SULF2: variants seen among roughly 807,000 people sequenced by gnomAD.
SULF2 encodes the protein extracellular sulfatase Sulf-2.
Under a neutral mutation model 107.7 loss-of-function variants are expected in SULF2, and 52 were observed. That is an observed-to-expected ratio of 0.48 (90% CI 0.39 to 0.61). SULF2 has a LOEUF of 0.61. Ranked by LOEUF, SULF2 falls within the 20% of genes least tolerant of loss-of-function variation. The pLI is 0.00. For synonymous variants in SULF2, 460 were observed against 464.3 expected, an observed-to-expected ratio of 0.99 and a Z score of 0.12; for missense variants, 993 against 1,177.3, an observed-to-expected ratio of 0.84 and a Z score of 2.29.
chr20:47,762,144 A>C (rs906504598), intron 1 of SULF2, among the ~76,000 whole-genome samples: 1 of 152,232 alleles, frequency 6.6e-6, no homozygotes, highest in East Asian at 1.9e-4. Flanking sequence ...AGCAGCGTGA[A>C]AACAGACTAA....
At chr20:47,704,277 A>AT (rs11480561) in intron 3 of SULF2, among the ~76,000 whole-genome samples, 64,887 of 150,238 alleles carry the variant, frequency 0.43, 14,222 homozygotes, top group East Asian at 0.66. Context: ...TTGCATGTAC[A>AT]TTTTTTTTTT....
chr20:47,665,484 TCTC>T (rs767342535), intron 13 of SULF2, among the ~76,000 whole-genome samples, 191 bp from the exon 14 acceptor site: 33 of 152,076 alleles, frequency 2.2e-4, no homozygotes, highest in East Asian at 3.9e-4. Flanking sequence ...AAGCCCGCCT[TCTC>T]CTCCAGCCAG....
chr20:47,666,638 C>T lies in SULF2; in HGVS notation c.1577-150G>A. On this transcript the variant is annotated intron_variant, in intron 11 of 20. Transcript: ENST00000688720. The surrounding 1 kb of genome is among the most constrained non-coding windows in gnomAD (Gnocchi z 5.4). ...CTCGAGGGGTCGTGGAATCTACCCGCCTGCTCGCAGATCCTGGACCGCAGG... is the reference window on the plus strand; with the variant it reads ...CTCGAGGGGTCGTGGAATCTACCCGTCTGCTCGCAGATCCTGGACCGCAGG... 2 of 659,432 alleles carry T rather than the reference C, an allele frequency of 3.0e-6. No individual in the cohort carries two copies. The highest frequency in any genetic ancestry group is 1.9e-5 in the South Asian group (1 of 53,008). The allele number at this position is 659,432 out of a possible 1,614,324, so 40.8% of individuals were successfully genotyped here. A position where few individuals can be genotyped will look rare whatever the true frequency, so the allele number is the denominator to read the frequency against.
chr20:47,665,735 A>C, intron 13 of SULF2, 122 bp downstream of exon 13: 1 of 750,250 alleles, frequency 1.3e-6, no homozygotes, highest in Non-Finnish European at 2.3e-6. Context: ...ATCTGTGGGG[A>C]CCTCACTTCA....
At chr20:47,661,623 T>C in intron 18 of SULF2, 150 bp downstream of exon 18, 2 of 715,174 alleles carry the variant, frequency 2.8e-6, no homozygotes, top group Non-Finnish European at 4.2e-6. Flanking sequence ...CTGCCTGCTA[T>C]GGACAGGGGC....
At position 47,780,015 on chromosome 20, in the gene SULF2, C is replaced by CTTTT. The variant is rs74178766; in HGVS notation, c.-101+5324_-101+5327dup. On this transcript the variant is annotated intron_variant, in intron 1 of 20. Coordinates refer to ENST00000688720, the MANE Select transcript of SULF2 (RefSeq NM_001387048.1). ...ACTCCTGACCCTCTACCCTAGTTGA[C>CTTTT]TTTTTTTTTTTTTTTTTTTGAGACA... is the stretch of plus-strand genomic sequence containing the variant. Among the ~76,000 whole-genome samples the CTTTT allele has an allele frequency of 3.7e-3, 451 of 120,428 alleles. 13 individuals are homozygous for CTTTT. Among genetic ancestry groups the CTTTT allele is most frequent in the East Asian group, 0.03 (125 of 4,148 alleles). 79.0% of individuals were successfully genotyped at this position (120,428 alleles called of 152,430 possible).
At chr20:47,668,721 G>A (rs1347228075) in intron 11 of SULF2, among the ~76,000 whole-genome samples, 2 of 152,052 alleles carry the variant, frequency 1.3e-5, no homozygotes, top group African/African-American at 2.4e-5. Flanking sequence ...GCAGGGGGTG[G>A]GGACTCTGCC....
At position 47,678,947 on chromosome 20, in the gene SULF2, C is replaced by T. The variant is rs1038567759; in HGVS notation, c.1065-143G>A. Reference sequence around the variant, plus strand: ...TGGAAGCTGCAGTCTGGCACCTCAACCTCAGCAGCTCCCCTCTGCGGCCCA... The same window carrying T: ...TGGAAGCTGCAGTCTGGCACCTCAATCTCAGCAGCTCCCCTCTGCGGCCCA... On this transcript the variant is annotated intron_variant, in intron 7 of 20. Transcript: ENST00000688720. This position sits in a 1 kb window ranked among gnomAD's most constrained non-coding sequence, Gnocchi z 4.5. 3.4e-5 allele frequency: 24 copies of T among 697,462 alleles called. No individual in the cohort carries two copies. The highest frequency in any genetic ancestry group is 5.0e-5 in the Non-Finnish European group (20 of 400,030). The allele number at this position is 697,462 out of a possible 1,614,324, so 43.2% of individuals were successfully genotyped here. A position where few individuals can be genotyped will look rare whatever the true frequency, so the allele number is the denominator to read the frequency against.
At chr20:47,730,523 T>C (rs1332173929) in intron 3 of SULF2, among the ~76,000 whole-genome samples, 1 of 152,182 alleles carries the variant, frequency 6.6e-6, no homozygotes, top group Non-Finnish European at 1.5e-5. Flanking sequence ...CAATCTCGGC[T>C]CACTGCAACC....
intron 11 of SULF2, among the ~76,000 whole-genome samples, chr20:47,671,981 A>G (rs1223054224): frequency 6.6e-6 from 1 of 152,164 alleles, no homozygotes; most frequent in Non-Finnish European, 1.5e-5. Flanking sequence ...AAGTACTGGG[A>G]TTACAGGCGT....
intron 3 of SULF2, among the ~76,000 whole-genome samples, chr20:47,721,518 G>A (rs907895530): frequency 2.0e-5 from 3 of 152,056 alleles, no homozygotes; most frequent in Non-Finnish European, 2.9e-5. Flanking sequence ...ACAGGCATGC[G>A]CTACCACGCC....
chr20:47,730,735 A>G (rs2089576104), intron 3 of SULF2, among the ~76,000 whole-genome samples: 1 of 152,182 alleles, frequency 6.6e-6, no homozygotes, highest in African/African-American at 2.4e-5. Flanking sequence ...GGCGTGAGCC[A>G]CTGTGCCCGG....
chr20:47,689,255 A>G (rs1350999020), intron 5 of SULF2, among the ~76,000 whole-genome samples: 1 of 152,204 alleles, frequency 6.6e-6, no homozygotes, highest in East Asian at 1.9e-4. Flanking sequence ...ACCCCTGCGT[A>G]GACCCTCCAC....
chr20:47,760,042 A>AG (rs1398150558), intron 1 of SULF2, among the ~76,000 whole-genome samples: 1 of 152,218 alleles, frequency 6.6e-6, no homozygotes, highest in African/African-American at 2.4e-5. Context: ...GAGTGAGGGA[A>AG]GCTGGACTTG....
chr20:47,767,309 C>G (rs2090546002), intron 1 of SULF2, among the ~76,000 whole-genome samples: 2 of 152,326 alleles, frequency 1.3e-5, no homozygotes, highest in South Asian at 4.1e-4. Flanking sequence ...TAGGTTTGGG[C>G]CACCCAGGAT....
rs142491097 is a variant in SULF2, at chr20:47,726,185, G to T, written c.415+10518C>A. ...TGTGTGTCACTCCCCACTCCCAAAA[G>T]ATTTTGTTTGATTAGGCTTTATTCT... On this transcript the variant is annotated intron_variant, in intron 3 of 20. Coordinates refer to ENST00000688720, the MANE Select transcript of SULF2 (RefSeq NM_001387048.1). Among the ~76,000 whole-genome samples, 6 of 152,190 alleles carry T rather than the reference G, an allele frequency of 3.9e-5. No homozygotes were observed. The East Asian group carries it at 9.7e-4, about 25-fold the overall frequency.
Position 47,712,246 on chromosome 20 carries a change from G to A in SULF2, c.416-9576C>T, listed in dbSNP as rs1012754930. Among the ~76,000 whole-genome samples, 13 of 152,254 alleles carry A rather than the reference G, an allele frequency of 8.5e-5. No individual in the cohort carries two copies. In the East Asian group the frequency reaches 9.7e-4, roughly 11 times the overall value. ...CATCAGGCCGTCTCCCTTCAGGGAC[G>A]CACTGCTGAGCTCACTCTGTTTCAA... On this transcript the variant is annotated intron_variant, in intron 3 of 20. Transcript: ENST00000688720.
intron 1 of SULF2, among the ~76,000 whole-genome samples, chr20:47,779,550 T>C (rs960675469): frequency 6.6e-6 from 1 of 152,230 alleles, no homozygotes; most frequent in African/African-American, 2.4e-5. Context: ...CAGGATCTTC[T>C]TGAAACACAA....
At position 47,785,436 on chromosome 20, in the gene SULF2, CGCCGCCGCTGCCGCT is replaced by C. The variant is rs1204013871; in HGVS notation, c.-209_-195del. ...GGGCCGCTGGGCGCAGGGGACTCCG[CGCCGCCGCTGCCGCT>C]GCCGCCGCCGCCGCCGCCGCTGCCG... On this transcript the variant is annotated 5_prime_UTR_variant, in exon 1 of 21. Coordinates refer to ENST00000688720, the MANE Select transcript of SULF2 (RefSeq NM_001387048.1). 4.0e-3 allele frequency: 602 copies of C among 150,634 alleles called. 1 individual carries two copies. Among genetic ancestry groups the C allele is most frequent in the South Asian group, 7.8e-3 (43 of 5,532 alleles). 9.3% of individuals were successfully genotyped at this position (150,634 alleles called of 1,614,324 possible).
Sources: allele counts gnomAD v4.1 joint callset (sites outside exome capture counted in the v4.1 genomes callset), GRCh38; gene constraint gnomAD v4.1.1; non-coding constraint Gnocchi (gnomAD v3.1); transcripts MANE v1.5; gene names NCBI Gene and HGNC (gene_info 2026-07-23, HGNC 2026-07-21).